The following CLCN3 variants were observed in gnomAD, a reference collection of about 807,000 sequenced individuals.
CLCN3 encodes the protein Cl-/H+ antiporter 3.
A neutral mutation model predicts 83.4 loss-of-function variants in CLCN3; 16 were observed. The ratio of observed to expected loss-of-function variants is 0.19; its 90% CI spans 0.13 to 0.29. The LOEUF is 0.29. Among genes scored for constraint, CLCN3 ranks in the 10% least tolerant of loss-of-function variants. The pLI, the probability that CLCN3 is intolerant of heterozygous loss-of-function variation, is 1.00. For missense variants in CLCN3, 544 were observed against 1,006.0 expected (o/e 0.54, Z 6.21); for synonymous variants, 322 against 346.2 (o/e 0.93, Z 0.78).
chr4:169,714,694 C>T (rs1206790863), intron 12 of CLCN3, among the ~76,000 whole-genome samples: 1 of 152,004 alleles, frequency 6.6e-6, no homozygotes, highest in Non-Finnish European at 1.5e-5. Context: ...AAATATGAAA[C>T]TAGAGAATTA....
At chr4:169,687,799 A>T (rs780934826) in intron 4 of CLCN3, 42 bp downstream of exon 4, 1 of 1,111,738 alleles carries the variant, frequency 9.0e-7, no homozygotes, top group Non-Finnish European at 1.3e-6. Flanking sequence ...AGTTAACAGA[A>T]GTATAAACTG....
chr4:169,689,230 G>GGTA lies in CLCN3; in HGVS notation c.606+1_606+3dup. On this transcript the variant is annotated inframe_insertion and splice_region_variant. Coordinates refer to ENST00000513761, the MANE Select transcript of CLCN3 (RefSeq NM_001829.4). ...CAGAATTAATCATAGGTCAAGCAGA[G>GGTA]GTAAGTCTTGCTTTGTCTCAAGATG... is the stretch of plus-strand genomic sequence containing the variant. The GGTA allele has an allele frequency of 6.2e-7, 1 of 1,606,114 alleles. No individual in the cohort carries two copies. The highest frequency in any genetic ancestry group is 1.7e-5 in the Admixed American group (1 of 58,894).
intron 7 of CLCN3, among the ~76,000 whole-genome samples, chr4:169,695,376 G>T (rs1193692686): frequency 1.3e-5 from 2 of 152,044 alleles, no homozygotes; most frequent in Non-Finnish European, 2.9e-5. Flanking sequence ...TAGTATATCT[G>T]GCAAAAATTT....
At chr4:169,622,494 A>G (rs2150193680) in intron 1 of CLCN3, among the ~76,000 whole-genome samples, 1 of 152,296 alleles carries the variant, frequency 6.6e-6, no homozygotes, top group African/African-American at 2.4e-5. Context: ...GTTTTGTAGA[A>G]CTTCCAACTT....
chr4:169,673,070 C>T (rs1731540303), intron 2 of CLCN3, among the ~76,000 whole-genome samples: 1 of 152,144 alleles, frequency 6.6e-6, no homozygotes, highest in African/African-American at 2.4e-5. Context: ...AAACATAATA[C>T]CTTTAAAATT....
At chr4:169,670,315 G>T (rs887537236) in intron 2 of CLCN3, among the ~76,000 whole-genome samples, 3 of 152,120 alleles carry the variant, frequency 2.0e-5, no homozygotes, top group Non-Finnish European at 4.4e-5. Flanking sequence ...TCCAGTTCCA[G>T]TTTTCTGCAT....
chr4:169,622,652 A>G (rs1382104295), intron 1 of CLCN3, among the ~76,000 whole-genome samples: 1 of 152,228 alleles, frequency 6.6e-6, no homozygotes, highest in African/African-American at 2.4e-5. Flanking sequence ...AACCCCACGA[A>G]GTAGGTACTT....
rs2150282952 is a variant in CLCN3, at chr4:169,720,464, CTGTT to C, written c.*469_*472del. On this transcript the variant is annotated 3_prime_UTR_variant, in exon 13 of 13. Coordinates refer to ENST00000513761, the MANE Select transcript of CLCN3 (RefSeq NM_001829.4). ...GCCCTTTTTTTTAATCAAAACTGTT[CTGTT>C]TAATTCATGAATTGTATAGTTAAGC... 6.3e-6 allele frequency: 1 copy of C among 158,142 alleles called. No individual in the cohort carries two copies. Among genetic ancestry groups the C allele is most frequent in the African/African-American group, 2.4e-5 (1 of 41,630 alleles). The allele number at this position is 158,142 out of a possible 1,614,324, so 9.8% of individuals were successfully genotyped here.
intron 2 of CLCN3, among the ~76,000 whole-genome samples, chr4:169,670,762 C>G (rs1731427618): frequency 1.3e-5 from 2 of 152,110 alleles, no homozygotes; most frequent in Non-Finnish European, 2.9e-5. Context: ...GAATGTTTTT[C>G]CATTTGTTTG....
intron 5 of CLCN3, 139 bp from the exon 6 acceptor site, chr4:169,690,391 C>G (rs113230294): frequency 0.085 from 65,535 of 774,554 alleles, 3,053 homozygotes; most frequent in African/African-American, 0.12. Flanking sequence ...GGTGATCCAC[C>G]CGCCTCAACC....
In CLCN3 at chr4:169,692,273, T is replaced by G; in HGVS notation, c.889T>G (p.Ser297Ala). 1 of 1,613,652 alleles carries G rather than the reference T, an allele frequency of 6.2e-7. No homozygotes were observed. The highest frequency in any genetic ancestry group is 8.5e-7 in the Non-Finnish European group (1 of 1,179,638). The change falls in exon 7 of 13, where the codon TCC becomes GCC. Residue 297 changes from serine (S) to alanine (A), a missense_variant. Ser to Ala is a moderately conservative substitution (Grantham distance 99). This residue lies in a region of CLCN3 where 194 missense variants were observed against 341.4 expected (regional missense o/e 0.57). Coordinates refer to ENST00000513761, the MANE Select transcript of CLCN3 (RefSeq NM_001829.4). The stretch of plus-strand genomic sequence containing the variant: ...TGCCTGTTGCTGCGGAAATATCTTT[T>G]CCTACCTCTTTCCAAAGTATAGCAC... ...HVACCCGNIF[S>A]YLFPKYSTNE...
chr4:169,687,807 C>A, intron 4 of CLCN3, 50 bp downstream of exon 4: 1 of 958,686 alleles, frequency 1.0e-6, no homozygotes, highest in Non-Finnish European at 1.6e-6. Flanking sequence ...GAAGTATAAA[C>A]TGTTCTTCCC....
intron 1 of CLCN3, among the ~76,000 whole-genome samples, chr4:169,633,153 C>T (rs1004375752): frequency 2.0e-5 from 3 of 152,094 alleles, no homozygotes; most frequent in Admixed American, 2.0e-4. Flanking sequence ...GCTGGGGTTA[C>T]AGGCGGCTGC....
chr4:169,635,757 C>T (rs1057174174), intron 1 of CLCN3, among the ~76,000 whole-genome samples, 156 bp from the exon 2 acceptor site: 1 of 151,990 alleles, frequency 6.6e-6, no homozygotes, highest in African/African-American at 2.4e-5. Flanking sequence ...AAATTATTAC[C>T]TCACCCCAAA....
chr4:169,704,899 AAAAGG>A (rs371925263), intron 10 of CLCN3, among the ~76,000 whole-genome samples: 2 of 152,224 alleles, frequency 1.3e-5, no homozygotes, highest in Non-Finnish European at 2.9e-5. Context: ...AATATCAATT[AAAAGG>A]AAAGGACAGA....
chr4:169,623,531 A>G (rs1009821263), intron 1 of CLCN3, among the ~76,000 whole-genome samples: 2 of 152,224 alleles, frequency 1.3e-5, no homozygotes, highest in Non-Finnish European at 2.9e-5. Flanking sequence ...AACGTTTAAA[A>G]TTAACTTTTA....
At chr4:169,623,685 T>G (rs1250837272) in intron 1 of CLCN3, among the ~76,000 whole-genome samples, 1 of 152,184 alleles carries the variant, frequency 6.6e-6, no homozygotes, top group Non-Finnish European at 1.5e-5. Flanking sequence ...TCCCTAGCCT[T>G]TGTAGACCAC....
chr4:169,628,232 T>G (rs961482537), intron 1 of CLCN3, among the ~76,000 whole-genome samples: 3 of 152,140 alleles, frequency 2.0e-5, no homozygotes, highest in Admixed American at 6.5e-5. Context: ...AAGAAAATTT[T>G]GGGGAGGTAG....
At chr4:169,693,647 G>A (rs1370993692) in intron 7 of CLCN3, among the ~76,000 whole-genome samples, 1 of 152,204 alleles carries the variant, frequency 6.6e-6, no homozygotes, top group Admixed American at 6.5e-5. Context: ...AAACCATCCT[G>A]TAGCGTAGCA....
Sources: allele counts gnomAD v4.1 joint callset (sites outside exome capture counted in the v4.1 genomes callset), GRCh38; gene constraint gnomAD v4.1.1; regional missense constraint gnomAD v4.1.1; transcripts MANE v1.5; gene names NCBI Gene and HGNC (gene_info 2026-07-23, HGNC 2026-07-21).